Variants in PARL observed in about 807,000 individuals in gnomAD.
PARL encodes presenilin-associated rhomboid-like protein, mitochondrial.
In PARL, 44 loss-of-function variants were observed where a neutral mutation model predicts 51.6. That is an observed-to-expected ratio of 0.85 (90% CI 0.67 to 1.10). The LOEUF is 1.10. Among genes scored for constraint, PARL ranks in the 50% least tolerant of loss-of-function variants. PARL has a pLI of 0.00. For synonymous variants in PARL, 172 were observed against 164.0 expected, an observed-to-expected ratio of 1.05 and a Z score of -0.37; for missense variants, 441 against 469.5, an observed-to-expected ratio of 0.94 and a Z score of 0.56.
At chr3:183,852,681 C>G (rs1169312372) in intron 4 of PARL, among the ~76,000 whole-genome samples, 2 of 152,142 alleles carry the variant, frequency 1.3e-5, no homozygotes, top group Non-Finnish European at 2.9e-5. Context: ...GCCCAACCTA[C>G]AACACTGTGA....
intron 5 of PARL, among the ~76,000 whole-genome samples, chr3:183,842,839 C>A (rs865808048): frequency 2.5e-5 from 3 of 122,332 alleles, no homozygotes; most frequent in South Asian, 2.6e-4. Flanking sequence ...ATTTATGAAA[C>A]AAACATGGAA....
chr3:183,842,700 C>T (rs532699960), intron 5 of PARL, among the ~76,000 whole-genome samples: 3 of 146,434 alleles, frequency 2.0e-5, no homozygotes, highest in African/African-American at 5.1e-5. Flanking sequence ...TCCTGCTACT[C>T]GGAAGGCTGA....
intron 1 of PARL, among the ~76,000 whole-genome samples, chr3:183,879,083 C>T (rs1734154485): frequency 1.3e-5 from 2 of 152,312 alleles, no homozygotes; most frequent in Admixed American, 1.3e-4. Flanking sequence ...CAGATTAATC[C>T]TATCTAGGTA....
chr3:183,878,081 G>A lies in PARL; in HGVS notation c.125+6641C>T, dbSNP rs182791580. On this transcript the variant is annotated intron_variant, in intron 1 of 9. Transcript: ENST00000317096. ...GCTGGGATTACAGGCGTGAGCCACC[G>A]CGCCCAGCCCCAGCCAGTACTCTTG... Among the ~76,000 whole-genome samples, 836 of 152,248 alleles carry A rather than the reference G, an allele frequency of 5.5e-3. 4 individuals carry two copies. The highest frequency in any genetic ancestry group is 0.019 in the African/African-American group (796 of 41,546).
chr3:183,883,194 T>C (rs1734756466), intron 1 of PARL, among the ~76,000 whole-genome samples: 1 of 152,244 alleles, frequency 6.6e-6, no homozygotes, highest in African/African-American at 2.4e-5. Flanking sequence ...TTGCTTCCCC[T>C]TCCTAAAACC....
intron 1 of PARL, among the ~76,000 whole-genome samples, chr3:183,875,756 TGCAAAGCAG>T (rs1345922730): frequency 6.6e-6 from 1 of 152,182 alleles, no homozygotes; most frequent in Non-Finnish European, 1.5e-5. Flanking sequence ...TAAACAGATT[TGCAAAGCAG>T]ACAAAACAGC....
At chr3:183,834,836 T>C (rs1188948977) in intron 7 of PARL, among the ~76,000 whole-genome samples, 29 of 144,564 alleles carry the variant, frequency 2.0e-4, no homozygotes, top group Non-Finnish European at 1.9e-4. Flanking sequence ...AGGTCAGGAG[T>C]TTGAGACCAG....
chr3:183,832,676 G>A (rs1728093836), intron 9 of PARL, among the ~76,000 whole-genome samples: 1 of 152,202 alleles, frequency 6.6e-6, no homozygotes, highest in Non-Finnish European at 1.5e-5. Context: ...CGATCAGATG[G>A]ACGCCAAGAG....
intron 9 of PARL, among the ~76,000 whole-genome samples, chr3:183,830,545 G>A (rs760339678): frequency 1.3e-5 from 2 of 152,184 alleles, no homozygotes; most frequent in African/African-American, 4.8e-5. Context: ...TCCAGGGGCA[G>A]TTAGTGAGAG....
At chr3:183,866,810 T>C (rs371021418) in intron 2 of PARL, 45 bp from the exon 3 acceptor site, 2 of 1,317,182 alleles carry the variant, frequency 1.5e-6, no homozygotes, top group Admixed American at 1.7e-5. Context: ...AAGAGGGAAA[T>C]AGATCTATAC....
chr3:183,847,147 TG>T (rs1359214077), intron 4 of PARL, among the ~76,000 whole-genome samples: 1 of 152,226 alleles, frequency 6.6e-6, no homozygotes, highest in Non-Finnish European at 1.5e-5. Context: ...GCTAAAAGTA[TG>T]GGTGAAGGAG....
rs541466452 is a variant in PARL at position 183,833,972 on chromosome 3, A to G, written c.829-147T>C. On this transcript the variant is annotated intron_variant, in intron 7 of 9. Coordinates refer to ENST00000317096, the MANE Select transcript of PARL (RefSeq NM_018622.7). Reference sequence around the variant, plus strand: ...AAAGCTTCAAAGCTTTCAGTTACTTATGTCCCCAATAATAGGTGAAGGAAC... The same window carrying G: ...AAAGCTTCAAAGCTTTCAGTTACTTGTGTCCCCAATAATAGGTGAAGGAAC... 412 of 693,190 alleles carry G rather than the reference A, an allele frequency of 5.9e-4. 1 individual carries two copies. The highest frequency in any genetic ancestry group is 1.0e-3 in the Non-Finnish European group (374 of 374,354). 42.9% of individuals were successfully genotyped at this position (693,190 alleles called of 1,614,324 possible).
chr3:183,872,790 C>T (rs1055385763), intron 1 of PARL, among the ~76,000 whole-genome samples: 1 of 152,084 alleles, frequency 6.6e-6, no homozygotes, highest in African/African-American at 2.4e-5. Context: ...AAAATGGACA[C>T]GTCACTGATG....
chr3:183,841,518 T>C (rs868784399), intron 6 of PARL, among the ~76,000 whole-genome samples: 7 of 152,214 alleles, frequency 4.6e-5, no homozygotes, highest in Admixed American at 4.6e-4. Context: ...GTAGTAGAAA[T>C]AGGATCTGAA....
Position 183,842,430 on chromosome 3 carries a change from T to C in PARL, c.625A>G (p.Met209Val), listed in dbSNP as rs151220251. The C allele has an allele frequency of 3.8e-5, 62 of 1,612,914 alleles. No homozygotes were observed. The highest frequency in any genetic ancestry group is 4.9e-5 in the Non-Finnish European group (58 of 1,179,074). Residue 209 changes from methionine to valine, a missense_variant, in exon 6 of 10, where the codon ATG becomes GTG. By Grantham distance (21) the Met-to-Val change is conservative (BLOSUM62 1). Coordinates refer to ENST00000317096, the MANE Select transcript of PARL (RefSeq NM_018622.7). ...AAATGACTGAATGTTGACAGCAACA[T>C]TGGAGAACAAAGGACCTCTACAAGA... ...NPASKVLCSP[M>V]LLSTFSHFSL...
chr3:183,865,874 TTTC>T (rs1295458478), intron 3 of PARL, among the ~76,000 whole-genome samples: 3 of 151,490 alleles, frequency 2.0e-5, no homozygotes, highest in African/African-American at 7.2e-5. Flanking sequence ...TTAACATTAA[TTTC>T]TTTTCTTTTT....
chr3:183,850,663 C>A (rs947709322), intron 4 of PARL, among the ~76,000 whole-genome samples: 2 of 152,168 alleles, frequency 1.3e-5, no homozygotes, highest in African/African-American at 4.8e-5. Context: ...GCCACTATCA[C>A]CTCCGTATCA....
intron 1 of PARL, chr3:183,883,604 G>A (rs986093296): frequency 2.0e-6 from 2 of 985,094 alleles, no homozygotes; most frequent in African/African-American, 3.5e-5. Context: ...CTTAAACCAT[G>A]CAATCTCAAA....
chr3:183,835,647 A>C (rs1577281971), intron 7 of PARL, among the ~76,000 whole-genome samples: 1 of 152,104 alleles, frequency 6.6e-6, no homozygotes, highest in Non-Finnish European at 1.5e-5. Flanking sequence ...CAGGTGGATC[A>C]CCTGAGGTCA....
Sources: allele counts gnomAD v4.1 joint callset (sites outside exome capture counted in the v4.1 genomes callset), GRCh38; gene constraint gnomAD v4.1.1; transcripts MANE v1.5; gene names NCBI Gene and HGNC (gene_info 2026-07-23, HGNC 2026-07-21).